SYTL2: variants seen among roughly 807,000 people sequenced by gnomAD.
SYTL2 encodes synaptotagmin like 2.
SYTL2 carries 165 observed loss-of-function variants against 198.7 expected under a neutral mutation model. That is an observed-to-expected ratio of 0.83 (90% CI 0.73 to 0.94). SYTL2 has a LOEUF of 0.94. Ranked by LOEUF, SYTL2 falls within the 40% of genes least tolerant of loss-of-function variation. SYTL2 has a pLI of 0.00. For synonymous variants in SYTL2, 966 were observed against 917.7 expected (o/e 1.05, Z -0.95); for missense variants, 2,835 against 2,582.8 (o/e 1.10, Z -2.12).
rs1591757208 is a variant in SYTL2 at position 85,726,020 on chromosome 11, T to C, written c.3338A>G (p.Glu1113Gly). The part of the protein sequence containing the change: ...FKEEKDYSEQ[E>G]IQESIIKTNV... ...GGTTTTTATTATGGATTCTTGAATCTCTTGTTCTGAGTAATCCTTTTCTTC... is the reference window on the plus strand; with the variant it reads ...GGTTTTTATTATGGATTCTTGAATCCCTTGTTCTGAGTAATCCTTTTCTTC... Residue 1113 changes from glutamate to glycine, a missense_variant, in exon 8 of 20, where the codon GAG (glutamate) becomes GGG (glycine). Glu to Gly is a moderately conservative substitution (Grantham distance 98, BLOSUM62 -2). Transcript: ENST00000359152. The C allele has an allele frequency of 1.2e-6, 2 of 1,613,490 alleles. No homozygotes were observed. The highest frequency in any genetic ancestry group is 1.7e-6 in the Non-Finnish European group (2 of 1,179,818).
intron 12 of SYTL2, 35 bp from the exon 13 acceptor site, chr11:85,711,267 A>G: frequency 6.2e-7 from 1 of 1,600,442 alleles, no homozygotes; most frequent in South Asian, 1.1e-5. Flanking sequence ...CAATATTTAA[A>G]TTCAGAATGA....
intron 15 of SYTL2, among the ~76,000 whole-genome samples, chr11:85,705,625 G>A (rs1308877809): frequency 6.6e-6 from 1 of 152,146 alleles, no homozygotes; most frequent in Non-Finnish European, 1.5e-5. Flanking sequence ...CATCCTAACA[G>A]TTTTTCATCT....
At chr11:85,844,118 C>G in the SYTL2 span, among the ~76,000 whole-genome samples, 2 of 152,344 alleles carry the variant, frequency 1.3e-5, no homozygotes, top group East Asian at 1.9e-4. Context: ...CTTGGACAGC[C>G]TCCTCTCCAA....
chr11:85,762,542 G>A (rs1486741478), intron 1 of SYTL2, among the ~76,000 whole-genome samples: 1 of 152,078 alleles, frequency 6.6e-6, no homozygotes, highest in Non-Finnish European at 1.5e-5. Flanking sequence ...ATCCTTAAGC[G>A]GCCTGTAGGA....
At chr11:85,770,863 C>T (rs2092340575) in intron 1 of SYTL2, among the ~76,000 whole-genome samples, 1 of 152,204 alleles carries the variant, frequency 6.6e-6, no homozygotes, top group African/African-American at 2.4e-5. Context: ...GTACATCTCT[C>T]ATCTGAAGTA....
chr11:85,730,510 A>C (rs1005399240), intron 7 of SYTL2, among the ~76,000 whole-genome samples: 4 of 152,224 alleles, frequency 2.6e-5, no homozygotes, highest in Non-Finnish European at 5.9e-5. Context: ...TTATCTCAAT[A>C]GATGCAGAAA....
chr11:85,828,338 C>A, the SYTL2 span, among the ~76,000 whole-genome samples: 2 of 152,114 alleles, frequency 1.3e-5, no homozygotes, highest in Non-Finnish European at 2.9e-5. Context: ...AGTATGTAGG[C>A]AGTAAATGGT....
chr11:85,761,029 T>C (rs2092081332), intron 1 of SYTL2, among the ~76,000 whole-genome samples: 1 of 152,208 alleles, frequency 6.6e-6, no homozygotes, highest in South Asian at 2.1e-4. Flanking sequence ...AACATTTCCC[T>C]CACTCACTTG....
At chr11:85,709,556 C>T in intron 13 of SYTL2, 56 bp from the exon 14 acceptor site, 1 of 1,526,008 alleles carries the variant, frequency 6.6e-7, no homozygotes, top group Non-Finnish European at 9.0e-7. Context: ...AAACCTAGCA[C>T]AAGGATCATG....
At chr11:85,798,481 T>C (rs2092836777) in intron 1 of SYTL2, among the ~76,000 whole-genome samples, 1 of 152,162 alleles carries the variant, frequency 6.6e-6, no homozygotes, top group African/African-American at 2.4e-5. Context: ...TAAAAAACAA[T>C]TGGCTTCACA....
chr11:85,729,210 G>A (rs1055605504), intron 7 of SYTL2, among the ~76,000 whole-genome samples: 2 of 152,134 alleles, frequency 1.3e-5, no homozygotes, highest in Non-Finnish European at 2.9e-5. Flanking sequence ...GGATATTCAG[G>A]ATTTGAACTA....
intron 1 of SYTL2, among the ~76,000 whole-genome samples, chr11:85,810,387 A>G (rs999632882): frequency 6.6e-6 from 1 of 152,144 alleles, no homozygotes; most frequent in Non-Finnish European, 1.5e-5. Flanking sequence ...TGTGTCTTAG[A>G]CGCTAAAAAC....
chr11:85,708,568 A>G (rs1421890437), intron 14 of SYTL2, among the ~76,000 whole-genome samples: 2 of 152,204 alleles, frequency 1.3e-5, no homozygotes, highest in Non-Finnish European at 2.9e-5. Flanking sequence ...TTAAATATGA[A>G]AATTCTCTCA....
intron 8 of SYTL2, among the ~76,000 whole-genome samples, chr11:85,722,343 T>C (rs2088456419): frequency 6.6e-6 from 1 of 151,872 alleles, no homozygotes; most frequent in Non-Finnish European, 1.5e-5. Flanking sequence ...CCGGCTACTT[T>C]ATTGTATTTT....
intron 1 of SYTL2, among the ~76,000 whole-genome samples, chr11:85,788,782 A>G (rs559010028): frequency 1.3e-5 from 2 of 152,026 alleles, no homozygotes; most frequent in African/African-American, 4.8e-5. Context: ...TTATAAAAAA[A>G]AAAGAAAGGA....
Position 85,734,155 on chromosome 11 carries a change from G to C in SYTL2, c.1174C>G (p.Leu392Val). Residue 392 changes from leucine to valine, a missense_variant, in exon 7 of 20, where the codon CTT (leucine) becomes GTT (valine). By Grantham distance (32) the Leu-to-Val change is conservative. Around this residue, in one of 3 missense-constraint regions of SYTL2, gnomAD observed 2,645 missense variants for 2,381.7 expected, o/e 1.11. Coordinates refer to ENST00000359152, the MANE Select transcript of SYTL2 (RefSeq NM_206927.4). Reference protein sequence around the residue: ...PKPSQYRKPSLFHQSTSSPYV... With the variant: ...PKPSQYRKPSVFHQSTSSPYV... The stretch of plus-strand genomic sequence containing the variant: ...GGGCTTGAGGTTGATTGATGAAAAA[G>C]CGAAGGCTTTCTGTATTGAGAAGGC... 6.2e-7 allele frequency: 1 copy of C among 1,614,174 alleles called. No individual in the cohort carries two copies. The highest frequency in any genetic ancestry group is 8.5e-7 in the Non-Finnish European group (1 of 1,180,004).
At chr11:85,832,343 T>C in the SYTL2 span, among the ~76,000 whole-genome samples, 4 of 152,218 alleles carry the variant, frequency 2.6e-5, no homozygotes, top group East Asian at 1.9e-4. Context: ...AGCAAGAACA[T>C]TGCAGAGCTA....
intron 19 of SYTL2, 115 bp from the exon 20 acceptor site, chr11:85,695,455 C>A: frequency 1.3e-6 from 1 of 769,526 alleles, no homozygotes; most frequent in East Asian, 2.7e-5. Flanking sequence ...GCTTTCTTCA[C>A]TGGGAGGGCA....
At chr11:85,788,982 A>C (rs892747929) in intron 1 of SYTL2, among the ~76,000 whole-genome samples, 2 of 151,666 alleles carry the variant, frequency 1.3e-5, no homozygotes, top group African/African-American at 4.8e-5. Context: ...CCCTATAACA[A>C]GCAGAAGAAT....
Sources: allele counts gnomAD v4.1 joint callset (sites outside exome capture counted in the v4.1 genomes callset), GRCh38; gene constraint gnomAD v4.1.1; regional missense constraint gnomAD v4.1.1; transcripts MANE v1.5; gene names NCBI Gene and HGNC (gene_info 2026-07-23, HGNC 2026-07-21).